RANBP10: variants seen among roughly 807,000 people sequenced by gnomAD.
RANBP10 encodes the protein ran-binding protein 10.
RANBP10 carries 24 observed loss-of-function variants against 72.8 expected under a neutral mutation model. The ratio of observed to expected loss-of-function variants is 0.33; its 90% CI spans 0.24 to 0.46. The LOEUF is 0.46. Ranked by LOEUF, RANBP10 falls within the 20% of genes least tolerant of loss-of-function variation. RANBP10 has a pLI of 1.00. For synonymous variants in RANBP10, 310 were observed against 322.3 expected (o/e 0.96, Z 0.41); for missense variants, 679 against 817.5 (o/e 0.83, Z 2.07).
chr16:67,779,844 T>G (rs1018492609), intron 2 of RANBP10, among the ~76,000 whole-genome samples: 17 of 152,166 alleles, frequency 1.1e-4, no homozygotes, highest in African/African-American at 4.1e-4. Flanking sequence ...CAAGGTGTGC[T>G]GACTCAAAAT....
Position 67,724,172 on chromosome 16 carries a change from C to T in RANBP10, c.*2256G>A, listed in dbSNP as rs966859007. The T allele has an allele frequency of 1.3e-5, 2 of 152,558 alleles. No homozygotes were observed. Among genetic ancestry groups the T allele is most frequent in the African/African-American group, 4.8e-5 (2 of 41,480 alleles). The allele number at this position is 152,558 out of a possible 1,614,324, so 9.5% of individuals were successfully genotyped here. On this transcript the variant is annotated 3_prime_UTR_variant, in exon 14 of 14. Coordinates refer to ENST00000317506, the MANE Select transcript of RANBP10 (RefSeq NM_020850.3). ...CAGGCACCCGTCCTCATCCCTGACACACCCCTGAAGGTAGCAGCTTCTCAG... is the reference window on the plus strand; with the variant it reads ...CAGGCACCCGTCCTCATCCCTGACATACCCCTGAAGGTAGCAGCTTCTCAG...
At chr16:67,763,472 A>G (rs1295148246) in intron 3 of RANBP10, 1 of 152,246 alleles carries the variant, frequency 6.6e-6, no homozygotes, top group Non-Finnish European at 1.5e-5. Context: ...GACCTGGAGC[A>G]AAGAACTCAG....
intron 4 of RANBP10, among the ~76,000 whole-genome samples, chr16:67,741,182 T>C (rs2053962545): frequency 6.6e-6 from 1 of 152,172 alleles, no homozygotes; most frequent in South Asian, 2.1e-4. Flanking sequence ...TCATGAACCC[T>C]AAGGTCTAGG....
Position 67,750,497 on chromosome 16 carries a change from C to T in RANBP10, c.401-6042G>A, listed in dbSNP as rs149513024. 1.4e-3 allele frequency among the ~76,000 whole-genome samples: 209 copies of T among 152,358 alleles called. 1 individual carries two copies. Among genetic ancestry groups the T allele is most frequent in the African/African-American group, 4.5e-3 (188 of 41,578 alleles). On this transcript the variant is annotated intron_variant, in intron 3 of 13. Coordinates refer to ENST00000317506, the MANE Select transcript of RANBP10 (RefSeq NM_020850.3). Reference sequence around the variant, plus strand: ...CTGTTCCCGGGACTGTCCATGCCCCCTCCCCCAAGATCATGAGCTCCTTGG... The same window carrying T: ...CTGTTCCCGGGACTGTCCATGCCCCTTCCCCCAAGATCATGAGCTCCTTGG...
At chr16:67,766,372 G>A (rs1293266111) in intron 3 of RANBP10, among the ~76,000 whole-genome samples, 1 of 152,176 alleles carries the variant, frequency 6.6e-6, no homozygotes, top group African/African-American at 2.4e-5. Flanking sequence ...AGCTGATACA[G>A]TTTGGATGTT....
intron 2 of RANBP10, among the ~76,000 whole-genome samples, chr16:67,803,160 A>T (rs1241543617): frequency 2.6e-5 from 4 of 152,164 alleles, no homozygotes; most frequent in Non-Finnish European, 1.5e-5. Flanking sequence ...CAGACGGTGG[A>T]AGGTGAAAAT....
intron 2 of RANBP10, among the ~76,000 whole-genome samples, chr16:67,780,910 C>T (rs2054798169): frequency 6.6e-6 from 1 of 152,246 alleles, no homozygotes. Flanking sequence ...CTCTCTAGCC[C>T]TGGCATTGAT....
intron 3 of RANBP10, among the ~76,000 whole-genome samples, chr16:67,770,177 C>T (rs143073433): frequency 1.3e-5 from 2 of 152,210 alleles, no homozygotes; most frequent in African/African-American, 4.8e-5. Context: ...AATCAGTTTG[C>T]ACTTGACAGG....
intron 2 of RANBP10, among the ~76,000 whole-genome samples, chr16:67,803,953 G>A (rs894530470): frequency 6.6e-6 from 1 of 151,720 alleles, no homozygotes; most frequent in Admixed American, 6.6e-5. Flanking sequence ...GATCCTCACA[G>A]TGCAGATCAG....
At chr16:67,787,372 G>T (rs1344346177) in intron 2 of RANBP10, among the ~76,000 whole-genome samples, 1 of 152,046 alleles carries the variant, frequency 6.6e-6, no homozygotes, top group Non-Finnish European at 1.5e-5. Flanking sequence ...AATGAAGAAA[G>T]AAATAAAATA....
chr16:67,763,254 TG>T (rs1280587715), intron 3 of RANBP10: 1 of 152,762 alleles, frequency 6.5e-6, no homozygotes, highest in Non-Finnish European at 1.5e-5. Context: ...GCCATGGCAA[TG>T]GGGCGGAGAC....
At chr16:67,796,463 C>T (rs879030479) in intron 2 of RANBP10, among the ~76,000 whole-genome samples, 1 of 152,088 alleles carries the variant, frequency 6.6e-6, no homozygotes, top group Admixed American at 6.6e-5. Context: ...GGCCTCTATC[C>T]ACTTATCTTC....
chr16:67,796,999 C>G (rs1354375853), intron 2 of RANBP10, among the ~76,000 whole-genome samples: 1 of 152,120 alleles, frequency 6.6e-6, no homozygotes, highest in African/African-American at 2.4e-5. Flanking sequence ...CCAACTTGAC[C>G]CGACCACACA....
chr16:67,772,090 C>CAAA lies in RANBP10; in HGVS notation c.348-7_348-5dup, dbSNP rs35741053. 2,676 of 1,310,548 alleles carry CAAA rather than the reference C, an allele frequency of 2.0e-3. 6 individuals carry two copies. Among genetic ancestry groups the CAAA allele is most frequent in the South Asian group, 7.2e-3 (444 of 61,536 alleles). The allele number at this position is 1,310,548 out of a possible 1,614,324, so 81.2% of individuals were successfully genotyped here. ...CGAGAGTCCTATTCCCATGTAACTTCAAAAAAAAAAAAAAAAAAAACACAA... is the reference window on the plus strand; with the variant it reads ...CGAGAGTCCTATTCCCATGTAACTTCAAAAAAAAAAAAAAAAAAAAAAACACAA... On this transcript the variant is annotated splice_polypyrimidine_tract_variant and splice_region_variant and intron_variant, in intron 2 of 13. Transcript: ENST00000317506.
intron 6 of RANBP10, among the ~76,000 whole-genome samples, chr16:67,732,412 C>T (rs927557621): frequency 6.6e-5 from 10 of 152,042 alleles, no homozygotes; most frequent in African/African-American, 2.2e-4. Flanking sequence ...GGAGTGAATA[C>T]CTTGGTGTGT....
At position 67,725,097 on chromosome 16, in the gene RANBP10, T is replaced by G. The variant is rs978726887; in HGVS notation, c.*1331A>C. ...ACTCTGCCAGCTGTAAGGATCTATC[T>G]GAAACAGCTGGTGGGACATGTGTAA... On this transcript the variant is annotated 3_prime_UTR_variant, in exon 14 of 14. Coordinates refer to ENST00000317506, the MANE Select transcript of RANBP10 (RefSeq NM_020850.3). 8.5e-5 allele frequency: 13 copies of G among 152,684 alleles called. No individual in the cohort carries two copies. The highest frequency in any genetic ancestry group is 3.1e-4 in the African/African-American group (13 of 41,440). The allele number at this position is 152,684 out of a possible 1,614,324, so 9.5% of individuals were successfully genotyped here. A position where few individuals can be genotyped will look rare whatever the true frequency, so the allele number is the denominator to read the frequency against.
At chr16:67,781,643 G>A (rs1287448165) in intron 2 of RANBP10, among the ~76,000 whole-genome samples, 1 of 152,218 alleles carries the variant, frequency 6.6e-6, no homozygotes, top group African/African-American at 2.4e-5. Flanking sequence ...AGGAAGCACA[G>A]AGAGGCAACA....
At chr16:67,785,174 T>A (rs2054891917) in intron 2 of RANBP10, among the ~76,000 whole-genome samples, 1 of 151,674 alleles carries the variant, frequency 6.6e-6, no homozygotes, top group Non-Finnish European at 1.5e-5. Context: ...ATCGTGCCAC[T>A]GCATTCCATC....
intron 2 of RANBP10, among the ~76,000 whole-genome samples, chr16:67,778,466 G>A (rs990064342): frequency 2.6e-5 from 4 of 152,128 alleles, no homozygotes; most frequent in African/African-American, 9.7e-5. Context: ...AAAAGACATA[G>A]CAAGCTTCAT....
Sources: gnomAD v4.1 joint callset for allele counts (sites outside exome capture counted in the v4.1 genomes callset) on GRCh38, gnomAD v4.1.1 for gene constraint, MANE v1.5 for transcripts, NCBI Gene and HGNC (gene_info 2026-07-23, HGNC 2026-07-21) for gene names.